FIRRM: variants seen among roughly 807,000 people sequenced by gnomAD.
The protein encoded by FIRRM is FIGNL1 interacting regulator of recombination and mitosis.
chr1:169,806,474 G>A, the FIRRM span, among the ~76,000 whole-genome samples: 1 of 152,150 alleles, frequency 6.6e-6, no homozygotes, highest in African/African-American at 2.4e-5. Context: ...GTACTTTTAA[G>A]TTGTTCACAC....
At chr1:169,851,240 C>T in the FIRRM span, 1 of 152,582 alleles carries the variant, frequency 6.6e-6, no homozygotes, top group South Asian at 2.1e-4. Context: ...TTTAGACTAC[C>T]AGGAGAAACT....
the FIRRM span, among the ~76,000 whole-genome samples, chr1:169,788,000 A>G: frequency 6.6e-6 from 1 of 152,194 alleles, no homozygotes; most frequent in Non-Finnish European, 1.5e-5. Context: ...GGGGCTAAAA[A>G]CAGATTTTGT....
chr1:169,842,833 G>C, the FIRRM span, among the ~76,000 whole-genome samples: 1 of 152,086 alleles, frequency 6.6e-6, no homozygotes, highest in Non-Finnish European at 1.5e-5. Flanking sequence ...TTTCTGTTCT[G>C]TCTTAGGTTA....
chr1:169,806,492 C>A, the FIRRM span, among the ~76,000 whole-genome samples: 1 of 152,098 alleles, frequency 6.6e-6, no homozygotes, highest in Non-Finnish European at 1.5e-5. Flanking sequence ...CACTTAATTC[C>A]ATTTGTACAG....
At chr1:169,811,491 C>CA in the FIRRM span, among the ~76,000 whole-genome samples, 160 of 152,014 alleles carry the variant, frequency 1.1e-3, no homozygotes, top group African/African-American at 3.6e-3. Flanking sequence ...CCCATCTCTA[C>CA]AAAAAATAAA....
the FIRRM span, chr1:169,843,771 T>TA: frequency 1.4e-5 from 22 of 1,560,626 alleles, no homozygotes; most frequent in Non-Finnish European, 1.9e-5. Context: ...ATACTTCAGG[T>TA]AAGAATAATG....
chr1:169,842,058 C>G, the FIRRM span, among the ~76,000 whole-genome samples: 1 of 151,716 alleles, frequency 6.6e-6, no homozygotes, highest in African/African-American at 2.4e-5. Context: ...TGCCTGTAGT[C>G]CCAGCTTCTC....
At chr1:169,819,624 A>G in the FIRRM span, among the ~76,000 whole-genome samples, 3 of 152,212 alleles carry the variant, frequency 2.0e-5, no homozygotes, top group Admixed American at 6.5e-5. Context: ...CCAGGCTGTT[A>G]GAGCTTGAAT....
the FIRRM span, among the ~76,000 whole-genome samples, chr1:169,813,677 A>G: frequency 1.3e-5 from 2 of 152,222 alleles, no homozygotes; most frequent in Non-Finnish European, 2.9e-5. Context: ...ATGTCCACAG[A>G]AAAAGGAGAA....
At chr1:169,837,468 TACTC>T in the FIRRM span, among the ~76,000 whole-genome samples, 79 of 152,330 alleles carry the variant, frequency 5.2e-4, 4 homozygotes, top group South Asian at 0.016. Context: ...TATGCTAACT[TACTC>T]TGAACCTTTA....
the FIRRM span, among the ~76,000 whole-genome samples, chr1:169,831,489 C>T: frequency 6.6e-6 from 1 of 152,166 alleles, no homozygotes; most frequent in Non-Finnish European, 1.5e-5. Flanking sequence ...GAACAGCTGA[C>T]ATCTATGTCT....
chr1:169,853,659 A>AT, the FIRRM span: 289 of 1,587,794 alleles, frequency 1.8e-4, no homozygotes, highest in Admixed American at 1.4e-3. Context: ...TGAGGTATTG[A>AT]TTTTTTTTAA....
At chr1:169,817,782 T>C in the FIRRM span, among the ~76,000 whole-genome samples, 1 of 152,204 alleles carries the variant, frequency 6.6e-6, no homozygotes, top group Non-Finnish European at 1.5e-5. Flanking sequence ...CTAATTTTAA[T>C]CAATATAACC....
the FIRRM span, among the ~76,000 whole-genome samples, chr1:169,807,353 A>C: frequency 2.0e-5 from 3 of 152,230 alleles, no homozygotes; most frequent in East Asian, 5.8e-4. Context: ...AGTTAGATTG[A>C]TATCCTTACC....
the FIRRM span, among the ~76,000 whole-genome samples, chr1:169,811,043 G>C: frequency 2.7e-5 from 4 of 150,166 alleles, no homozygotes; most frequent in Admixed American, 2.6e-4. Context: ...TGTATTTTTA[G>C]TAGAGACGGG....
the FIRRM span, among the ~76,000 whole-genome samples, chr1:169,834,503 T>G: frequency 6.6e-6 from 1 of 152,130 alleles, no homozygotes; most frequent in Non-Finnish European, 1.5e-5. Flanking sequence ...ACATTATCCT[T>G]TCTCTTAAAT....
At chr1:169,802,896 TATA>T in the FIRRM span, among the ~76,000 whole-genome samples, 1 of 146,030 alleles carries the variant, frequency 6.8e-6, no homozygotes, top group South Asian at 2.3e-4. Flanking sequence ...AATAAACTCT[TATA>T]AGAAGAGAAG....
At chr1:169,793,150 G>C in the FIRRM span, 1 of 1,614,118 alleles carries the variant, frequency 6.2e-7, no homozygotes, top group African/African-American at 1.3e-5. Context: ...ATTTCACTTT[G>C]GCCTTTGTGA....
At chr1:169,829,237 G>A in the FIRRM span, 1 of 1,503,384 alleles carries the variant, frequency 6.7e-7, no homozygotes, top group South Asian at 1.4e-5. Context: ...TTAATGTTGG[G>A]TTCAATGTTC....
Sources: gnomAD v4.1 joint callset for allele counts (sites outside exome capture counted in the v4.1 genomes callset) on GRCh38, gnomAD v4.1.1 for gene constraint, MANE v1.5 for transcripts, NCBI Gene and HGNC (gene_info 2026-07-23, HGNC 2026-07-21) for gene names.